The following MAP3K4 variants were observed in gnomAD, a reference collection of about 807,000 sequenced individuals.
The protein encoded by MAP3K4 is mitogen-activated protein kinase kinase kinase 4, also known as MAP three kinase 1.
In MAP3K4, 67 loss-of-function variants were observed where a neutral mutation model predicts 185.6. The observed-to-expected ratio is 0.36, with a 90% CI of 0.30 to 0.44. MAP3K4 has a LOEUF of 0.44. MAP3K4 is among the 20% of genes least tolerant of loss of function. MAP3K4 has a pLI of 1.00. For synonymous variants in MAP3K4, 702 were observed against 710.4 expected (o/e 0.99, Z 0.19); for missense variants, 1,551 against 1,995.1 (o/e 0.78, Z 4.24).
At chr6:161,015,545 C>T (rs1034527749) in intron 1 of MAP3K4, among the ~76,000 whole-genome samples, 11 of 152,120 alleles carry the variant, frequency 7.2e-5, no homozygotes, top group African/African-American at 2.7e-4. Flanking sequence ...AAGAGGTTTA[C>T]TTAGATCACG....
rs759826776 is a variant in MAP3K4 at position 161,106,633 on chromosome 6, A to C, written c.3976A>C (p.Lys1326Gln). 6.2e-7 allele frequency: 1 copy of C among 1,614,118 alleles called. No individual in the cohort carries two copies. Among genetic ancestry groups the C allele is most frequent in the African/African-American group, 1.3e-5 (1 of 75,062 alleles). Residue 1326 changes from lysine to glutamine, a missense_variant, in exon 20 of 27, where the codon AAG (lysine) becomes CAG (glutamine). Transcript: ENST00000392142. The surrounding 1 kb of genome is among the most constrained non-coding windows in gnomAD (Gnocchi z 4.9). ...CATTGGTCAAGTTTGTGATACGCCT[A>C]AGTCCTATGATAATGTTATGCACGT... ...NIIGQVCDTP[K>Q]SYDNVMHVGL...
chr6:161,048,872 A>G lies in MAP3K4; in HGVS notation c.600A>G (p.Val200=), dbSNP rs757027720. Residue 200 remains valine (V), a synonymous_variant, in exon 3 of 27, where the codon GTA becomes GTG. Transcript: ENST00000392142. This position sits in a 1 kb window ranked among gnomAD's most constrained non-coding sequence, Gnocchi z 4.7. ...GCTGTAGCAATGCTAAGCTTCCAGT[A>G]TCTGTGCCCATGCCTATAGCCAGAC... is the stretch of plus-strand genomic sequence containing the variant. ...SLGCSNAKLP[V]SVPMPIARPA... is the part of the protein sequence containing the mutation. The G allele has an allele frequency of 1.2e-6, 2 of 1,614,190 alleles. No individual in the cohort carries two copies. Among genetic ancestry groups the G allele is most frequent in the Admixed American group, 3.3e-5 (2 of 60,006 alleles).
Position 161,077,851 on chromosome 6 carries a change from C to A in MAP3K4, c.2098-3030C>A, listed in dbSNP as rs986534202. The stretch of plus-strand genomic sequence containing the variant: ...AAGCCCTCAGGCTTGACTTTGCAAA[C>A]TAAGGGAAAGAGATGGGAAAAAAAT... On this transcript the variant is annotated intron_variant, in intron 5 of 26. Transcript: ENST00000392142. This position sits in a 1 kb window ranked among gnomAD's most constrained non-coding sequence, Gnocchi z 4.3. Among the ~76,000 whole-genome samples the A allele has an allele frequency of 2.0e-5, 3 of 151,798 alleles. No individual in the cohort carries two copies. Among genetic ancestry groups the A allele is most frequent in the Admixed American group, 6.6e-5 (1 of 15,260 alleles).
chr6:161,043,776 G>A lies in MAP3K4; in HGVS notation c.344-4840G>A, dbSNP rs1211591069. Among the ~76,000 whole-genome samples, 4 of 152,132 alleles carry A rather than the reference G, an allele frequency of 2.6e-5. No individual in the cohort carries two copies. Among genetic ancestry groups the A allele is most frequent in the Admixed American group, 1.3e-4 (2 of 15,276 alleles). On this transcript the variant is annotated intron_variant, in intron 2 of 26. Coordinates refer to ENST00000392142, the MANE Select transcript of MAP3K4 (RefSeq NM_005922.4). This position sits in a 1 kb window ranked among gnomAD's most constrained non-coding sequence, Gnocchi z 4.3. ...CTAGATGATCTCTAAGTCCCTTCAG[G>A]TTGCTGACTTGTCTGGTATTCTAGT...
intron 1 of MAP3K4, among the ~76,000 whole-genome samples, chr6:161,024,227 C>G (rs897803639): frequency 1.3e-5 from 2 of 152,192 alleles, no homozygotes; most frequent in African/African-American, 4.8e-5. Flanking sequence ...CCTCTGCCTC[C>G]TAGAGTGTTG....
chr6:161,028,781 C>T (rs1782788936), intron 1 of MAP3K4, among the ~76,000 whole-genome samples: 1 of 152,040 alleles, frequency 6.6e-6, no homozygotes, highest in African/African-American at 2.4e-5. Flanking sequence ...TGCTCTGAAA[C>T]AGTGCAAAAG....
intron 1 of MAP3K4, among the ~76,000 whole-genome samples, chr6:160,998,632 A>G (rs947296283): frequency 2.4e-4 from 36 of 152,340 alleles, no homozygotes; most frequent in African/African-American, 8.7e-4. Context: ...GTAATAGAGT[A>G]TGTAGATTAG....
intron 19 of MAP3K4, among the ~76,000 whole-genome samples, chr6:161,104,726 G>A (rs1297112095): frequency 8.9e-5 from 10 of 112,152 alleles, no homozygotes; most frequent in Non-Finnish European, 7.7e-5. Context: ...AAAAAAAAAA[G>A]GAATCTTGAG....
intron 1 of MAP3K4, among the ~76,000 whole-genome samples, chr6:160,994,043 A>G (rs1015554498): frequency 6.6e-6 from 1 of 152,072 alleles, no homozygotes; most frequent in African/African-American, 2.4e-5. Context: ...GGGTCTATCC[A>G]GTTGTTCATT....
rs1447824042 is a variant in MAP3K4, at chr6:161,114,657, G to A, written c.4627-466G>A. Among the ~76,000 whole-genome samples, 2 of 152,106 alleles carry A rather than the reference G, an allele frequency of 1.3e-5. No individual in the cohort carries two copies. Among genetic ancestry groups the A allele is most frequent in the Admixed American group, 6.5e-5 (1 of 15,268 alleles). On this transcript the variant is annotated intron_variant, in intron 25 of 26. Transcript: ENST00000392142. This position sits in a 1 kb window ranked among gnomAD's most constrained non-coding sequence, Gnocchi z 4.3. ...CCCCTGTGAATCTCATTTTTCATAG[G>A]ATCATAATGAAATAAGCTTTGCACT... is the stretch of plus-strand genomic sequence containing the variant.
At chr6:160,992,213 C>A (rs1780749062) in intron 1 of MAP3K4, 130 bp downstream of exon 1, 1 of 1,275,054 alleles carries the variant, frequency 7.8e-7, no homozygotes, top group African/African-American at 1.6e-5. Flanking sequence ...CAGGCTGGGG[C>A]GGGAGGGGCG....
chr6:161,095,059 C>T (rs1421805848), intron 15 of MAP3K4, among the ~76,000 whole-genome samples: 1 of 152,130 alleles, frequency 6.6e-6, no homozygotes, highest in East Asian at 1.9e-4. Context: ...ATGACTCATA[C>T]TTCCTGAATC....
At position 161,097,686 on chromosome 6, in the gene MAP3K4, T is replaced by C. The variant is rs974393029; in HGVS notation, c.3524+510T>C. On this transcript the variant is annotated intron_variant, in intron 16 of 26. Coordinates refer to ENST00000392142, the MANE Select transcript of MAP3K4 (RefSeq NM_005922.4). This position sits in a 1 kb window ranked among gnomAD's most constrained non-coding sequence, Gnocchi z 4.9. ...TTGAATGTGGTGGCATTTCTGCATC[T>C]TGAGGTAGTGAGCACCTTCTCTCGC... 2.6e-5 allele frequency among the ~76,000 whole-genome samples: 4 copies of C among 152,232 alleles called. No homozygotes were observed. The highest frequency in any genetic ancestry group is 9.6e-5 in the African/African-American group (4 of 41,456).
chr6:161,011,034 G>A (rs1033794786), intron 1 of MAP3K4, among the ~76,000 whole-genome samples: 1 of 152,152 alleles, frequency 6.6e-6, no homozygotes, highest in Non-Finnish European at 1.5e-5. Context: ...GTTCTTGTAA[G>A]GAGAGTGGAT....
chr6:161,079,284 A>C (rs1381163310), intron 5 of MAP3K4, among the ~76,000 whole-genome samples: 1 of 151,666 alleles, frequency 6.6e-6, no homozygotes, highest in Non-Finnish European at 1.5e-5. Context: ...GTGCATAGAA[A>C]GACAGAGAGT....
Position 161,109,108 on chromosome 6 carries a change from A to G in MAP3K4, c.4236+249A>G. 1 of 1,182,182 alleles carries G rather than the reference A, an allele frequency of 8.5e-7. No individual in the cohort carries two copies. Among genetic ancestry groups the G allele is most frequent in the Non-Finnish European group, 1.2e-6 (1 of 836,988 alleles). 73.2% of individuals were successfully genotyped at this position (1,182,182 alleles called of 1,614,324 possible). A position where few individuals can be genotyped will look rare whatever the true frequency, so the allele number is the denominator to read the frequency against. On this transcript the variant is annotated intron_variant, in intron 22 of 26. Transcript: ENST00000392142. This position sits in a 1 kb window ranked among gnomAD's most constrained non-coding sequence, Gnocchi z 5.7. ...ACTGAAACCCATCCTGCCATTCAGAAGATTCTTCTAAAACGCCCCTTACAC... is the reference window on the plus strand; with the variant it reads ...ACTGAAACCCATCCTGCCATTCAGAGGATTCTTCTAAAACGCCCCTTACAC...
intron 1 of MAP3K4, among the ~76,000 whole-genome samples, chr6:161,027,114 C>T (rs182409035): frequency 2.2e-4 from 33 of 152,194 alleles, no homozygotes; most frequent in African/African-American, 7.9e-4. Flanking sequence ...TTTTCCAAGA[C>T]CTGGTCCTAT....
chr6:161,020,859 A>G (rs978912220), intron 1 of MAP3K4, among the ~76,000 whole-genome samples: 19 of 152,152 alleles, frequency 1.2e-4, no homozygotes, highest in African/African-American at 4.1e-4. Context: ...TCTTTTCTAA[A>G]ACTATATGTG....
rs1785866501 is a variant in MAP3K4, at chr6:161,088,728, C to T, written c.2824-594C>T. Among the ~76,000 whole-genome samples the T allele has an allele frequency of 6.6e-6, 1 of 152,190 alleles. No individual in the cohort carries two copies. The highest frequency in any genetic ancestry group is 2.4e-5 in the African/African-American group (1 of 41,438). On this transcript the variant is annotated intron_variant, in intron 10 of 26. Transcript: ENST00000392142. The surrounding 1 kb of genome is among the most constrained non-coding windows in gnomAD (Gnocchi z 4.5). Reference sequence around the variant, plus strand: ...CTGTAGTCAGCACTTTACCATCCCTCTCCTGAACTATTGCAGTTTCTGACT... The same window carrying T: ...CTGTAGTCAGCACTTTACCATCCCTTTCCTGAACTATTGCAGTTTCTGACT...
Sources: gnomAD v4.1 joint callset for allele counts (sites outside exome capture counted in the v4.1 genomes callset) on GRCh38, gnomAD v4.1.1 for gene constraint, Gnocchi (gnomAD v3.1) non-coding constraint, MANE v1.5 for transcripts, NCBI Gene and HGNC (gene_info 2026-07-23, HGNC 2026-07-21) for gene names.